The following RIMS4 variants were observed in gnomAD, a reference collection of about 807,000 sequenced individuals.
RIMS4 encodes regulating synaptic membrane exocytosis protein 4.
In RIMS4, 9 loss-of-function variants were observed where a neutral mutation model predicts 29.0. The ratio of observed to expected loss-of-function variants is 0.31; its 90% CI spans 0.19 to 0.54. The LOEUF (loss-of-function observed/expected upper bound fraction) is 0.54. Among genes scored for constraint, RIMS4 ranks in the 20% least tolerant of loss-of-function variants. RIMS4 has a pLI of 0.94. For synonymous variants in RIMS4, 130 were observed against 152.9 expected, an observed-to-expected ratio of 0.85 and a Z score of 1.10; for missense variants, 193 against 365.7, an observed-to-expected ratio of 0.53 and a Z score of 3.85.
At chr20:44,803,349 C>T (rs867810686) in intron 1 of RIMS4, among the ~76,000 whole-genome samples, 1 of 152,184 alleles carries the variant, frequency 6.6e-6, no homozygotes, top group Non-Finnish European at 1.5e-5. Context: ...GAGCCTGTTT[C>T]CCTACTTGCT....
intron 2 of RIMS4, among the ~76,000 whole-genome samples, chr20:44,762,695 G>A (rs575569855): frequency 6.6e-5 from 10 of 152,146 alleles, no homozygotes; most frequent in East Asian, 3.9e-4. Context: ...CCCGGCTGAC[G>A]CCCCAGAAAC....
At chr20:44,808,453 AG>A (rs2066308715) in intron 1 of RIMS4, among the ~76,000 whole-genome samples, 1 of 152,192 alleles carries the variant, frequency 6.6e-6, no homozygotes, top group Middle Eastern at 3.2e-3. Context: ...GCTCCTGCCC[AG>A]CCTGGCTCTT....
At chr20:44,809,039 T>C (rs73288464) in intron 1 of RIMS4, among the ~76,000 whole-genome samples, 2,534 of 152,188 alleles carry the variant, frequency 0.017, 82 homozygotes, top group African/African-American at 0.057. Flanking sequence ...CCCCATTGAA[T>C]TCAAAGACTC....
chr20:44,784,615 G>A (rs1460807517), intron 1 of RIMS4, among the ~76,000 whole-genome samples: 2 of 152,220 alleles, frequency 1.3e-5, no homozygotes, highest in Non-Finnish European at 2.9e-5. Flanking sequence ...CTAACCCAGT[G>A]TCCACTAAGG....
intron 1 of RIMS4, among the ~76,000 whole-genome samples, chr20:44,808,592 C>G (rs559081882): frequency 1.3e-5 from 2 of 152,134 alleles, no homozygotes; most frequent in Non-Finnish European, 2.9e-5. Flanking sequence ...AACCTCTGAG[C>G]CTCAGTTGTT....
At chr20:44,782,660 T>TG (rs778081313) in intron 1 of RIMS4, among the ~76,000 whole-genome samples, 1 of 152,186 alleles carries the variant, frequency 6.6e-6, no homozygotes, top group Non-Finnish European at 1.5e-5. Context: ...AGGCCCTATC[T>TG]GGGACAAGCT....
At chr20:44,785,230 C>CTTT (rs530864017) in intron 1 of RIMS4, among the ~76,000 whole-genome samples, 3 of 142,902 alleles carry the variant, frequency 2.1e-5, no homozygotes, top group African/African-American at 2.6e-5. Flanking sequence ...CATTCTTCTT[C>CTTT]TTTTTTTTTT....
At chr20:44,800,045 G>A (rs956170090) in intron 1 of RIMS4, among the ~76,000 whole-genome samples, 1 of 152,208 alleles carries the variant, frequency 6.6e-6, no homozygotes, top group Admixed American at 6.5e-5. Context: ...GACTTGCTCA[G>A]AGTCACACAG....
At chr20:44,794,306 A>C (rs1353754948) in intron 1 of RIMS4, among the ~76,000 whole-genome samples, 1 of 152,112 alleles carries the variant, frequency 6.6e-6, no homozygotes, top group Non-Finnish European at 1.5e-5. Flanking sequence ...CAGATTGAGG[A>C]GTCGCATCTG....
intron 2 of RIMS4, among the ~76,000 whole-genome samples, chr20:44,758,671 C>A (rs1187946917): frequency 6.6e-6 from 1 of 152,220 alleles, no homozygotes; most frequent in Non-Finnish European, 1.5e-5. Flanking sequence ...TGAGACTGGG[C>A]CTCCAGCTCA....
intron 2 of RIMS4, among the ~76,000 whole-genome samples, chr20:44,766,563 G>A (rs952287041): frequency 6.6e-6 from 1 of 152,180 alleles, no homozygotes; most frequent in African/African-American, 2.4e-5. Context: ...CAAGAGCGAT[G>A]TATGGCCTTG....
chr20:44,790,712 G>A (rs939457210), intron 1 of RIMS4, among the ~76,000 whole-genome samples: 2 of 152,206 alleles, frequency 1.3e-5, no homozygotes, highest in African/African-American at 4.8e-5. Context: ...GAAGAAAGCA[G>A]CCGCTGCAGG....
chr20:44,773,269 C>T (rs2066144792), intron 1 of RIMS4, among the ~76,000 whole-genome samples: 1 of 152,084 alleles, frequency 6.6e-6, no homozygotes, highest in African/African-American at 2.4e-5. Flanking sequence ...GTTTCTACTC[C>T]ATTCCATCAT....
chr20:44,768,317 AG>A (rs1410582757), intron 2 of RIMS4, among the ~76,000 whole-genome samples: 3 of 152,190 alleles, frequency 2.0e-5, no homozygotes, highest in Admixed American at 2.0e-4. Flanking sequence ...GCCTACCTGC[AG>A]GAATACATAC....
intron 1 of RIMS4, among the ~76,000 whole-genome samples, chr20:44,799,661 ACT>A (rs1401021826): frequency 6.6e-6 from 1 of 152,202 alleles, no homozygotes; most frequent in Non-Finnish European, 1.5e-5. Context: ...CACTAGGGAC[ACT>A]GAGTGCTGGA....
chr20:44,787,697 G>GA (rs74852845), intron 1 of RIMS4, among the ~76,000 whole-genome samples: 11,674 of 123,692 alleles, frequency 0.094, 584 homozygotes, highest in Middle Eastern at 0.22. Context: ...TTTTCTCCAG[G>GA]AAAAAAAAAA....
At chr20:44,770,164 T>C (rs1419062166) in intron 2 of RIMS4, among the ~76,000 whole-genome samples, 1 of 152,158 alleles carries the variant, frequency 6.6e-6, no homozygotes, top group Non-Finnish European at 1.5e-5. Flanking sequence ...CCCACTTCCC[T>C]GACTTTAGAC....
intron 1 of RIMS4, among the ~76,000 whole-genome samples, chr20:44,785,066 C>T (rs961492426): frequency 4.6e-5 from 7 of 152,160 alleles, no homozygotes; most frequent in Admixed American, 1.3e-4. Flanking sequence ...TAGCCCATTC[C>T]ATTCACTCTT....
intron 1 of RIMS4, among the ~76,000 whole-genome samples, chr20:44,774,011 T>C (rs2066148765): frequency 6.6e-6 from 1 of 152,150 alleles, no homozygotes; most frequent in African/African-American, 2.4e-5. Context: ...CTGACACCCT[T>C]GTAGACTCAT....
Sources: allele counts gnomAD v4.1 joint callset (sites outside exome capture counted in the v4.1 genomes callset), GRCh38; gene constraint gnomAD v4.1.1; transcripts MANE v1.5; gene names NCBI Gene and HGNC (gene_info 2026-07-23, HGNC 2026-07-21).